CAMK2B: variants seen among roughly 807,000 people sequenced by gnomAD.
The protein encoded by CAMK2B is calcium/calmodulin-dependent protein kinase type II subunit beta.
Under a neutral mutation model 93.7 loss-of-function variants are expected in CAMK2B, and 27 were observed. The observed-to-expected ratio is 0.29, with a 90% CI of 0.21 to 0.40. The LOEUF (loss-of-function observed/expected upper bound fraction) is 0.40, where lower values mean the gene tolerates loss of function less well. CAMK2B is among the 10% of genes least tolerant of loss of function. CAMK2B has a pLI of 1.00. For synonymous variants in CAMK2B, 374 were observed against 358.8 expected (o/e 1.04, Z -0.48); for missense variants, 568 against 895.8 (o/e 0.63, Z 4.67).
At chr7:44,241,633 C>T in intron 11 of CAMK2B, 67 bp downstream of exon 11, 1 of 1,315,562 alleles carries the variant, frequency 7.6e-7, no homozygotes, top group Non-Finnish European at 1.1e-6. Flanking sequence ...CCCAAGGCCC[C>T]CCTGCTCCAG....
chr7:44,269,336 C>T (rs564221676), intron 2 of CAMK2B, among the ~76,000 whole-genome samples: 1 of 152,336 alleles, frequency 6.6e-6, no homozygotes, highest in African/African-American at 2.4e-5. Flanking sequence ...ACCAGTGCCC[C>T]CCGCGGGGGA....
At chr7:44,290,545 G>A (rs550374189) in intron 1 of CAMK2B, among the ~76,000 whole-genome samples, 1 of 152,318 alleles carries the variant, frequency 6.6e-6, no homozygotes, top group Admixed American at 6.5e-5. Context: ...CTGGGCTAGG[G>A]GCTGGGGACA....
chr7:44,222,863 C>T (rs2096428528), intron 20 of CAMK2B, among the ~76,000 whole-genome samples: 2 of 152,216 alleles, frequency 1.3e-5, no homozygotes, highest in South Asian at 4.1e-4. Flanking sequence ...ACAAAGGAGG[C>T]GCCACATGCC....
At chr7:44,226,831 C>T (rs1274891980) in intron 19 of CAMK2B, among the ~76,000 whole-genome samples, 187 bp from the exon 20 acceptor site, 2 of 19,184 alleles carry the variant, frequency 1.0e-4, no homozygotes, top group Admixed American at 7.4e-4. Context: ...GGACCTGGGC[C>T]GACAGAGGGG....
At chr7:44,263,580 C>T (rs963518293) in intron 2 of CAMK2B, among the ~76,000 whole-genome samples, 1 of 152,108 alleles carries the variant, frequency 6.6e-6, no homozygotes, top group African/African-American at 2.4e-5. Context: ...GGTGGCCCCT[C>T]CTGCCCTGGC....
chr7:44,278,687 G>A (rs1049517382), intron 2 of CAMK2B, among the ~76,000 whole-genome samples: 10 of 152,228 alleles, frequency 6.6e-5, no homozygotes, highest in Non-Finnish European at 7.3e-5. Context: ...CTTCCTCTAC[G>A]GTCTCAGCAG....
At chr7:44,267,683 A>G (rs980898162) in intron 2 of CAMK2B, among the ~76,000 whole-genome samples, 1 of 152,152 alleles carries the variant, frequency 6.6e-6, no homozygotes, top group African/African-American at 2.4e-5. Context: ...AAGCATTGCT[A>G]TTTATTTCTT....
intron 1 of CAMK2B, among the ~76,000 whole-genome samples, chr7:44,297,249 T>C (rs972097684): frequency 6.6e-6 from 1 of 152,074 alleles, no homozygotes; most frequent in African/African-American, 2.4e-5. Flanking sequence ...GTTGTAAATG[T>C]ATATAGGTAT....
intron 1 of CAMK2B, among the ~76,000 whole-genome samples, chr7:44,291,345 G>A (rs1413750996): frequency 1.3e-5 from 2 of 152,160 alleles, no homozygotes; most frequent in Non-Finnish European, 1.5e-5. Context: ...ACAGGGAGGC[G>A]GGTGGCCATC....
At chr7:44,220,354 TCCACCCCA>T in intron 22 of CAMK2B, 60 bp from the exon 23 acceptor site, 17 of 1,308,640 alleles carry the variant, frequency 1.3e-5, no homozygotes, top group Non-Finnish European at 1.9e-5. Flanking sequence ...GTGCCCGTCT[TCCACCCCA>T]CCAGCCTAAT....
chr7:44,255,890 T>C (rs193190661), intron 4 of CAMK2B, among the ~76,000 whole-genome samples: 88 of 152,252 alleles, frequency 5.8e-4, no homozygotes, highest in African/African-American at 2.0e-3. Flanking sequence ...CCCCTCAAAA[T>C]CCTTCGAGCA....
In CAMK2B at chr7:44,234,664, A is replaced by T; in HGVS notation, c.1034T>A (p.Leu345His). ...CTTGACTCCATCTGCTTTCTTGTTGAGTAAACTCTTGGCTGCTGCATGGGG... is the reference window on the plus strand; with the variant it reads ...CTTGACTCCATCTGCTTTCTTGTTGTGTAAACTCTTGGCTGCTGCATGGGG... The part of the protein sequence containing the change: ...MGLVEQAKSL[L>H]NKKADGVKPQ... The change falls in exon 14 of 24, where the codon CTC becomes CAC. Residue 345 changes from leucine to histidine, a missense_variant. Physicochemically the swap from Leu to His is moderately conservative, Grantham distance 99. Around this residue, in one of 4 missense-constraint regions of CAMK2B, gnomAD observed 308 missense variants for 292.1 expected, o/e 1.05. Coordinates refer to ENST00000395749, the MANE Select transcript of CAMK2B (RefSeq NM_001220.5). The T allele has an allele frequency of 1.9e-6, 3 of 1,614,062 alleles. No homozygotes were observed. Among genetic ancestry groups the T allele is most frequent in the Non-Finnish European group, 2.5e-6 (3 of 1,179,944 alleles).
At chr7:44,233,766 G>A (rs756083115) in intron 15 of CAMK2B, among the ~76,000 whole-genome samples, 10 of 152,144 alleles carry the variant, frequency 6.6e-5, no homozygotes, top group Admixed American at 2.0e-4. Flanking sequence ...TCCCCTCCCC[G>A]GCAGGGAGCC....
rs1011635264 is a variant in CAMK2B, at chr7:44,229,400, G to A, written c.1327C>T (p.Leu443=). The part of the protein sequence containing the change: ...PCPSPAPFSP[L]PAPSPRISDI... ...CCAGGCTACTTACATGGGGCTGGCA[G>A]GGGGCTAAAGGGAGCCGGAGATGGG... is the stretch of plus-strand genomic sequence containing the variant. The change falls in exon 18 of 24, where the codon CTG becomes TTG. Residue 443 remains leucine (L), a synonymous_variant. Coordinates refer to ENST00000395749, the MANE Select transcript of CAMK2B (RefSeq NM_001220.5). 2.5e-5 allele frequency: 38 copies of A among 1,521,608 alleles called. No homozygotes were observed. Among genetic ancestry groups the A allele is most frequent in the Non-Finnish European group, 3.3e-5 (37 of 1,134,812 alleles). The allele number at this position is 1,521,608 out of a possible 1,614,324, so 94.3% of individuals were successfully genotyped here.
At chr7:44,284,511 G>A (rs946392834) in intron 1 of CAMK2B, among the ~76,000 whole-genome samples, 3 of 152,242 alleles carry the variant, frequency 2.0e-5, no homozygotes, top group Non-Finnish European at 4.4e-5. Context: ...AGAAGGATCA[G>A]TCAGGCCCTC....
intron 1 of CAMK2B, among the ~76,000 whole-genome samples, chr7:44,296,648 T>G (rs1163005352): frequency 6.6e-6 from 1 of 152,060 alleles, no homozygotes; most frequent in Non-Finnish European, 1.5e-5. Flanking sequence ...ACATTCAAAC[T>G]GCAGAAAATC....
At chr7:44,264,803 G>A (rs1029294799) in intron 2 of CAMK2B, among the ~76,000 whole-genome samples, 2 of 152,216 alleles carry the variant, frequency 1.3e-5, no homozygotes, top group Non-Finnish European at 2.9e-5. Flanking sequence ...CAGCCCAAGT[G>A]TCTGTCAGCA....
At chr7:44,219,794 C>G (rs2096375935) in intron 23 of CAMK2B, among the ~76,000 whole-genome samples, 1 of 152,228 alleles carries the variant, frequency 6.6e-6, no homozygotes, top group Non-Finnish European at 1.5e-5. Context: ...GCCCGGGGCC[C>G]ATCCACCTGC....
At chr7:44,268,655 C>T (rs2096942042) in intron 2 of CAMK2B, 1 of 152,442 alleles carries the variant, frequency 6.6e-6, no homozygotes, top group East Asian at 1.9e-4. Flanking sequence ...ATTCCCAGAT[C>T]CACAGGACCC....
Sources: gnomAD v4.1 joint callset for allele counts (sites outside exome capture counted in the v4.1 genomes callset) on GRCh38, gnomAD v4.1.1 for gene constraint, gnomAD v4.1.1 regional missense constraint, MANE v1.5 for transcripts, NCBI Gene and HGNC (gene_info 2026-07-23, HGNC 2026-07-21) for gene names.